The following KCNH1 variants were observed in gnomAD, a reference collection of about 807,000 sequenced individuals.
The protein encoded by KCNH1 is voltage-gated delayed rectifier potassium channel KCNH1.
In KCNH1, 27 loss-of-function variants were observed where a neutral mutation model predicts 69.2. The observed-to-expected ratio is 0.39, with a 90% CI of 0.29 to 0.54. KCNH1 has a LOEUF of 0.54. Ranked by LOEUF, KCNH1 falls within the 20% of genes least tolerant of loss-of-function variation. The pLI, the probability that KCNH1 is intolerant of heterozygous loss-of-function variation, is 0.68. For missense variants in KCNH1, 798 were observed against 1,261.6 expected, an observed-to-expected ratio of 0.63 and a Z score of 5.57; for synonymous variants, 456 against 487.7, an observed-to-expected ratio of 0.93 and a Z score of 0.86.
At chr1:210,955,938 T>C (rs1319439665) in intron 6 of KCNH1, among the ~76,000 whole-genome samples, 3 of 152,180 alleles carry the variant, frequency 2.0e-5, no homozygotes, top group African/African-American at 4.8e-5. Flanking sequence ...TCCAATACTA[T>C]GTTGAATAGG....
chr1:211,131,138 AT>A (rs1302189296), intron 1 of KCNH1, among the ~76,000 whole-genome samples: 2 of 152,058 alleles, frequency 1.3e-5, no homozygotes, highest in Non-Finnish European at 2.9e-5. Context: ...TCTTGCATCA[AT>A]TTCCTTATTT....
At chr1:210,701,944 A>G (rs1328361241) in intron 10 of KCNH1, among the ~76,000 whole-genome samples, 1 of 151,512 alleles carries the variant, frequency 6.6e-6, no homozygotes, top group Admixed American at 6.6e-5. Flanking sequence ...ACATGCCCCA[A>G]AAGCCACTGG....
intron 8 of KCNH1, among the ~76,000 whole-genome samples, chr1:210,803,477 A>G (rs1684469813): frequency 6.6e-6 from 1 of 152,224 alleles, no homozygotes; most frequent in Non-Finnish European, 1.5e-5. Flanking sequence ...ACACAAATTA[A>G]GGGAATGCTA....
chr1:210,768,328 A>G (rs183004416), intron 10 of KCNH1, among the ~76,000 whole-genome samples: 4 of 152,282 alleles, frequency 2.6e-5, no homozygotes, highest in Admixed American at 2.0e-4. Flanking sequence ...AGGTTAGGTA[A>G]CTGGCCTGAA....
intron 3 of KCNH1, among the ~76,000 whole-genome samples, chr1:211,093,496 G>A (rs1235612067): frequency 6.6e-6 from 1 of 152,160 alleles, no homozygotes; most frequent in Non-Finnish European, 1.5e-5. Flanking sequence ...ATGTTGGCCA[G>A]GCTGGTCTCA....
chr1:211,036,200 A>G (rs1419041899), intron 5 of KCNH1, among the ~76,000 whole-genome samples: 1 of 152,140 alleles, frequency 6.6e-6, no homozygotes, highest in Admixed American at 6.5e-5. Flanking sequence ...GGGGTAGGGA[A>G]GAAGAGTTGG....
chr1:210,991,834 C>T (rs1688944401), intron 6 of KCNH1, among the ~76,000 whole-genome samples: 2 of 152,210 alleles, frequency 1.3e-5, no homozygotes, highest in South Asian at 4.1e-4. Flanking sequence ...GCCCTTAGCA[C>T]TGCCAGTCTG....
intron 7 of KCNH1, chr1:210,861,617 T>C: frequency 1.3e-6 from 1 of 771,176 alleles, no homozygotes; most frequent in Non-Finnish European, 2.4e-6. Context: ...TGGTATAGAG[T>C]ATAGAGTATA....
intron 6 of KCNH1, among the ~76,000 whole-genome samples, chr1:210,940,178 G>C (rs1055544018): frequency 1.3e-5 from 2 of 152,022 alleles, no homozygotes; most frequent in Non-Finnish European, 2.9e-5. Context: ...TTTACTTTAG[G>C]CTGGTTTAAT....
chr1:211,050,403 C>A, intron 5 of KCNH1, among the ~76,000 whole-genome samples: 1 of 151,936 alleles, frequency 6.6e-6, no homozygotes, highest in African/African-American at 2.4e-5. Context: ...TCATAAACAC[C>A]CTTCTCCATA....
intron 6 of KCNH1, among the ~76,000 whole-genome samples, chr1:210,997,777 C>G (rs1689080949): frequency 6.6e-6 from 1 of 152,206 alleles, no homozygotes; most frequent in Non-Finnish European, 1.5e-5. Context: ...ATCGGGTTAT[C>G]CACAAAGGGA....
intron 5 of KCNH1, among the ~76,000 whole-genome samples, chr1:211,028,650 A>C (rs775089289): frequency 6.6e-6 from 1 of 152,092 alleles, no homozygotes; most frequent in Non-Finnish European, 1.5e-5. Flanking sequence ...AATAAAAATA[A>C]GGTAATGTTA....
At chr1:210,828,792 C>G (rs1438481326) in intron 7 of KCNH1, among the ~76,000 whole-genome samples, 3 of 152,182 alleles carry the variant, frequency 2.0e-5, no homozygotes, top group Non-Finnish European at 4.4e-5. Flanking sequence ...TAGGTAGAGT[C>G]CACATCTTTT....
chr1:210,693,000 C>T (rs1194503467), intron 10 of KCNH1, among the ~76,000 whole-genome samples: 2 of 152,180 alleles, frequency 1.3e-5, no homozygotes, highest in African/African-American at 2.4e-5. Context: ...GTCCACAGCC[C>T]TGCCCTTTGC....
chr1:210,929,627 G>A (rs1687642909), intron 6 of KCNH1, among the ~76,000 whole-genome samples: 2 of 152,042 alleles, frequency 1.3e-5, no homozygotes, highest in Non-Finnish European at 2.9e-5. Context: ...ACAAGACAAG[G>A]TTGCCCACTT....
At chr1:211,080,303 T>TTA (rs1448178969) in intron 5 of KCNH1, among the ~76,000 whole-genome samples, 1 of 152,098 alleles carries the variant, frequency 6.6e-6, no homozygotes, top group Non-Finnish European at 1.5e-5. Context: ...AAACCACTGC[T>TTA]CGATGAAATA....
intron 6 of KCNH1, among the ~76,000 whole-genome samples, chr1:210,965,316 T>C (rs906971197): frequency 6.6e-6 from 1 of 152,160 alleles, no homozygotes. Flanking sequence ...AAATTGTCCC[T>C]GTTTGCAGAT....
intron 7 of KCNH1, among the ~76,000 whole-genome samples, chr1:210,905,204 T>C (rs761138688): frequency 3.9e-5 from 6 of 152,188 alleles, no homozygotes; most frequent in African/African-American, 1.4e-4. Flanking sequence ...CCTAGCTGAT[T>C]TTAGGCAAAT....
At chr1:210,836,654 A>C (rs1408402161) in intron 7 of KCNH1, among the ~76,000 whole-genome samples, 1 of 152,210 alleles carries the variant, frequency 6.6e-6, no homozygotes, top group Non-Finnish European at 1.5e-5. Flanking sequence ...GTGAATACCA[A>C]GATAAAAAAT....
Sources: allele counts gnomAD v4.1 joint callset (sites outside exome capture counted in the v4.1 genomes callset), GRCh38; gene constraint gnomAD v4.1.1; transcripts MANE v1.5; gene names NCBI Gene and HGNC (gene_info 2026-07-23, HGNC 2026-07-21).